INTS8: variants seen among roughly 807,000 people sequenced by gnomAD.
INTS8 encodes the protein protein kaonashi-1.
In INTS8, 47 loss-of-function variants were observed where a neutral mutation model predicts 138.9. The observed-to-expected ratio is 0.34, with a 90% CI of 0.27 to 0.43. The LOEUF is 0.43. Among genes scored for constraint, INTS8 ranks in the 20% least tolerant of loss-of-function variants. The pLI is 1.00. For synonymous variants in INTS8, 392 were observed against 400.9 expected (o/e 0.98, Z 0.27); for missense variants, 996 against 1,173.0 (o/e 0.85, Z 2.20).
intron 3 of INTS8, 46 bp downstream of exon 3, chr8:94,827,449 T>C (rs746654759): frequency 6.3e-7 from 1 of 1,590,512 alleles, no homozygotes; most frequent in Non-Finnish European, 8.6e-7. Context: ...ACCTCTGTTT[T>C]ATTGCACTGT....
intron 15 of INTS8, 76 bp downstream of exon 15, chr8:94,857,054 TTA>T: frequency 9.0e-7 from 1 of 1,107,082 alleles, no homozygotes; most frequent in Non-Finnish European, 1.3e-6. Context: ...AAAAGCAGAT[TTA>T]TTTGAGTTTG....
In INTS8 at chr8:94,832,137, C is replaced by T. The variant is rs988246379; in HGVS notation, c.716C>T (p.Ala239Val). 1.1e-5 allele frequency: 18 copies of T among 1,612,836 alleles called. No individual in the cohort carries two copies. The Admixed American group carries it at 2.0e-4, about 18-fold the overall frequency. ...MVNGETESST[A>V]GLKVKTEEMQ... The stretch of plus-strand genomic sequence containing the variant: ...AATGGAGAAACTGAGAGTTCTACTG[C>T]TGGATTGAAAGTCAAAACCGAAGAA... Residue 239 changes from alanine (A) to valine (V), a missense_variant, in exon 6 of 27, where the codon GCT (alanine) becomes GTT (valine). Physicochemically the swap from Ala to Val is moderately conservative, Grantham distance 64 (BLOSUM62 0). Coordinates refer to ENST00000523731, the MANE Select transcript of INTS8 (RefSeq NM_017864.4).
chr8:94,856,658 A>T, intron 14 of INTS8, 119 bp from the exon 15 acceptor site: 1 of 791,748 alleles, frequency 1.3e-6, no homozygotes, highest in Non-Finnish European at 2.1e-6. Context: ...TTACTGCCTG[A>T]GAAAAGCAAC....
At chr8:94,855,555 T>G (rs1563659001) in intron 14 of INTS8, among the ~76,000 whole-genome samples, 1 of 152,198 alleles carries the variant, frequency 6.6e-6, no homozygotes, top group African/African-American at 2.4e-5. Flanking sequence ...TAACATAACA[T>G]TTACTGGGCA....
chr8:94,828,575 A>G (rs562848388), intron 4 of INTS8, among the ~76,000 whole-genome samples: 1 of 152,156 alleles, frequency 6.6e-6, no homozygotes, highest in East Asian at 1.9e-4. Flanking sequence ...TAGAAAGCAT[A>G]GTTTCTAACT....
chr8:94,871,125 G>A (rs908583779), intron 20 of INTS8, among the ~76,000 whole-genome samples: 1 of 152,082 alleles, frequency 6.6e-6, no homozygotes, highest in Non-Finnish European at 1.5e-5. Context: ...CATTGTCAGT[G>A]TCTGAGTCCT....
Position 94,851,543 on chromosome 8 carries a change from C to CT in INTS8, c.1508-3dup. Reference sequence around the variant, plus strand: ...TGAATTAAATCATTGAAATATAAATCTTTTTTTAGCTTCAGCAAGTGTCAA... The same window carrying CT: ...TGAATTAAATCATTGAAATATAAATCTTTTTTTTAGCTTCAGCAAGTGTCAA... On this transcript the variant is annotated splice_polypyrimidine_tract_variant and intron_variant, in intron 12 of 26. Transcript: ENST00000523731. 11 of 1,537,984 alleles carry CT rather than the reference C, an allele frequency of 7.2e-6. No homozygotes were observed. Among genetic ancestry groups the CT allele is most frequent in the South Asian group, 2.5e-5 (2 of 81,206 alleles).
At chr8:94,835,390 CT>C (rs1168776193) in intron 6 of INTS8, among the ~76,000 whole-genome samples, 1 of 152,064 alleles carries the variant, frequency 6.6e-6, no homozygotes, top group Admixed American at 6.6e-5. Flanking sequence ...AAATTATTTT[CT>C]TTTTTGCCTA....
chr8:94,866,584 C>T (rs773738466), intron 18 of INTS8, among the ~76,000 whole-genome samples: 23 of 152,140 alleles, frequency 1.5e-4, no homozygotes, highest in Non-Finnish European at 2.6e-4. Flanking sequence ...CTTGCCTGGC[C>T]TCTGGTTAAA....
intron 26 of INTS8, among the ~76,000 whole-genome samples, chr8:94,878,604 A>G (rs1394405181): frequency 1.3e-5 from 2 of 152,272 alleles, no homozygotes; most frequent in Middle Eastern, 3.4e-3. Flanking sequence ...TTGATTTCCT[A>G]TATAGTCAAC....
Position 94,867,154 on chromosome 8 carries a change from G to A in INTS8, c.2310G>A (p.Leu770=), listed in dbSNP as rs1308999814. ...CTTTCTCATAGGAACCACTCGTTTT[G>A]ACTATTATTTTATCACTCTTTGTGA... The part of the protein sequence containing the change: ...FIKKLREPLV[L]TIILSLFVKL... Residue 770 remains leucine (L), a synonymous_variant, in exon 19 of 27, where the codon TTG becomes TTA. Transcript: ENST00000523731. 6.8e-6 allele frequency: 11 copies of A among 1,608,790 alleles called. No individual in the cohort carries two copies. The highest frequency in any genetic ancestry group is 9.3e-6 in the Non-Finnish European group (11 of 1,176,774).
chr8:94,873,337 T>TG, intron 21 of INTS8, 37 bp from the exon 22 acceptor site: 1 of 1,409,496 alleles, frequency 7.1e-7, no homozygotes, highest in Admixed American at 1.7e-5. Flanking sequence ...TTTTCAACTG[T>TG]TACCTCTAAT....
chr8:94,835,681 C>T (rs1384371992), intron 6 of INTS8, among the ~76,000 whole-genome samples: 1 of 151,916 alleles, frequency 6.6e-6, no homozygotes, highest in African/African-American at 2.4e-5. Context: ...CTCACTGCAA[C>T]CTCTGCCTCC....
rs1032448290 is a variant in INTS8 at position 94,827,600 on chromosome 8, A to G, written c.447-122A>G. On this transcript the variant is annotated intron_variant, in intron 3 of 26. Coordinates refer to ENST00000523731, the MANE Select transcript of INTS8 (RefSeq NM_017864.4). ...TGATAAAAATGTGGATGACTTATGC[A>G]GGATTTACCATGTGTCAATTAATGC... 3.0e-5 allele frequency: 31 copies of G among 1,042,074 alleles called. 1 individual carries two copies. In the Middle Eastern group the frequency reaches 6.2e-4, roughly 21 times the overall value. The allele number at this position is 1,042,074 out of a possible 1,614,324, so 64.6% of individuals were successfully genotyped here.
Position 94,825,062 on chromosome 8 carries a change from GA to G in INTS8, c.304del (p.Ser102ValfsTer7). 6.3e-7 allele frequency: 1 copy of G among 1,594,872 alleles called. No individual in the cohort carries two copies. The highest frequency in any genetic ancestry group is 8.6e-7 in the Non-Finnish European group (1 of 1,166,770). On this transcript the variant is annotated frameshift_variant, in exon 2 of 27. Transcript: ENST00000523731. LOFTEE classifies it high-confidence loss of function. ...HLKWDLDILE[K>X]SLSVPVLNML... ...TGAAGTGGGACTTAGACATATTAGA[GA>G]AAAGGTATCCAAGATTTCAGTGAAA...
chr8:94,871,808 T>C, intron 20 of INTS8, 76 bp from the exon 21 acceptor site: 1 of 831,286 alleles, frequency 1.2e-6, no homozygotes, highest in Non-Finnish European at 2.0e-6. Flanking sequence ...TGAGTTTTTG[T>C]TTTTAATAAA....
chr8:94,855,111 T>C (rs532344402), intron 14 of INTS8, among the ~76,000 whole-genome samples: 1 of 152,258 alleles, frequency 6.6e-6, no homozygotes, highest in South Asian at 2.1e-4. Context: ...AATTCTGGGA[T>C]GGGGCCCAAC....
chr8:94,833,151 G>A (rs1297045608), intron 6 of INTS8, among the ~76,000 whole-genome samples: 1 of 151,910 alleles, frequency 6.6e-6, no homozygotes, highest in Non-Finnish European at 1.5e-5. Context: ...CTTCTAAACT[G>A]TATTGTCTTT....
intron 16 of INTS8, 163 bp downstream of exon 16, chr8:94,859,795 C>A (rs1309638536): frequency 1.7e-6 from 1 of 581,098 alleles, no homozygotes; most frequent in Non-Finnish European, 3.0e-6. Flanking sequence ...AATTCATGCA[C>A]TTGACCTTGT....
Sources: gnomAD v4.1 joint callset for allele counts (sites outside exome capture counted in the v4.1 genomes callset) on GRCh38, gnomAD v4.1.1 for gene constraint, MANE v1.5 for transcripts, NCBI Gene and HGNC (gene_info 2026-07-23, HGNC 2026-07-21) for gene names.